Variants in MEGF6 observed in about 807,000 individuals in gnomAD.
MEGF6 encodes multiple EGF like domains 6, also known as multiple epidermal growth factor-like domains protein 6.
A neutral mutation model predicts 207.1 loss-of-function variants in MEGF6; 184 were observed. That is an observed-to-expected ratio of 0.89 (90% CI 0.79 to 1.00). The LOEUF is 1.00. MEGF6 is among the 50% of genes least tolerant of loss of function. The probability of loss-of-function intolerance (pLI) is 0.00; values close to 1 mark genes in which losing one functional copy is unlikely to be tolerated. For synonymous variants in MEGF6, 1,038 were observed against 910.0 expected, an observed-to-expected ratio of 1.14 and a Z score of -2.53; for missense variants, 2,282 against 2,202.9, an observed-to-expected ratio of 1.04 and a Z score of -0.72.
At chr1:3,583,358 G>A (rs113586718) in intron 3 of MEGF6, among the ~76,000 whole-genome samples, 2,031 of 66,420 alleles carry the variant, frequency 0.031, 2 homozygotes, top group Middle Eastern at 0.082. Flanking sequence ...ACCAGACAAC[G>A]CGCAGCCACC....
chr1:3,535,457 C>T (rs911975262), intron 4 of MEGF6, among the ~76,000 whole-genome samples: 43 of 152,188 alleles, frequency 2.8e-4, no homozygotes, highest in Non-Finnish European at 2.8e-4. Context: ...TGCCCCTCTC[C>T]AGAAGGCTGC....
the MEGF6 span, among the ~76,000 whole-genome samples, chr1:3,620,044 G>T: frequency 7.0e-6 from 1 of 142,960 alleles, no homozygotes; most frequent in African/African-American, 2.4e-5. Flanking sequence ...TTTTAGTAAA[G>T]AGACTAGGAG....
intron 14 of MEGF6, among the ~76,000 whole-genome samples, chr1:3,507,231 A>C (rs1641151397): frequency 6.6e-6 from 1 of 152,196 alleles, no homozygotes; most frequent in Non-Finnish European, 1.5e-5. Context: ...AAAGGCAGAA[A>C]GTTTATGATA....
intron 7 of MEGF6, 107 bp downstream of exon 7, chr1:3,514,443 T>C (rs1557738448): frequency 1.4e-6 from 2 of 1,387,096 alleles, no homozygotes; most frequent in African/African-American, 1.4e-5. Context: ...CCAAAGGGCC[T>C]GGTCTCATGG....
chr1:3,583,936 A>C (rs1252906421), intron 3 of MEGF6, among the ~76,000 whole-genome samples: 1 of 150,838 alleles, frequency 6.6e-6, no homozygotes, highest in African/African-American at 2.4e-5. Context: ...AGCCACCTGC[A>C]GCAGCCCGGC....
intron 4 of MEGF6, among the ~76,000 whole-genome samples, chr1:3,562,899 G>A (rs1643241977): frequency 6.6e-6 from 1 of 152,120 alleles, no homozygotes; most frequent in Non-Finnish European, 1.5e-5. Flanking sequence ...ACCTTGCTGG[G>A]CCAGCCCCTC....
rs773637034 is a variant in MEGF6 at position 3,574,311 on chromosome 1, G to A, written c.481+5514C>T. 1.6e-4 allele frequency among the ~76,000 whole-genome samples: 25 copies of A among 151,688 alleles called. 1 individual carries two copies. The Middle Eastern group carries it at 0.02, about 124-fold the overall frequency. Reference sequence around the variant, plus strand: ...TGACCCTTCCTTCATTCCCGACCCCGTACCTCAGGGCCAAAATGACTTTCT... The same window carrying A: ...TGACCCTTCCTTCATTCCCGACCCCATACCTCAGGGCCAAAATGACTTTCT... On this transcript the variant is annotated intron_variant, in intron 4 of 36. Coordinates refer to ENST00000356575, the MANE Select transcript of MEGF6 (RefSeq NM_001409.4).
intron 3 of MEGF6, among the ~76,000 whole-genome samples, chr1:3,590,382 T>C (rs895687452): frequency 1.9e-5 from 2 of 102,772 alleles, no homozygotes; most frequent in African/African-American, 6.0e-5. Flanking sequence ...AGAGAATCCA[T>C]GAGCAGGAAG....
chr1:3,591,613 C>T (rs532968100), intron 3 of MEGF6, among the ~76,000 whole-genome samples: 111 of 152,066 alleles, frequency 7.3e-4, no homozygotes, highest in African/African-American at 2.5e-3. Flanking sequence ...GGGGCGCGGG[C>T]GAGGGGGCTG....
intron 21 of MEGF6, 40 bp from the exon 22 acceptor site, chr1:3,499,964 C>A: frequency 6.6e-7 from 1 of 1,524,020 alleles, no homozygotes; most frequent in Non-Finnish European, 8.8e-7. Flanking sequence ...GCCAGAGGGC[C>A]AGGAGCCTGA....
At chr1:3,536,024 T>G (rs1317204362) in intron 4 of MEGF6, among the ~76,000 whole-genome samples, 1 of 152,130 alleles carries the variant, frequency 6.6e-6, no homozygotes, top group African/African-American at 2.4e-5. Flanking sequence ...GACAAAGAGT[T>G]TCTAGGCAGC....
At chr1:3,555,606 C>T (rs1185298399) in intron 4 of MEGF6, among the ~76,000 whole-genome samples, 1 of 152,228 alleles carries the variant, frequency 6.6e-6, no homozygotes, top group Non-Finnish European at 1.5e-5. Flanking sequence ...CTGTGGTTCT[C>T]ATGGCTGCAA....
chr1:3,556,010 C>T lies in MEGF6; in HGVS notation c.481+23815G>A, dbSNP rs190196382. On this transcript the variant is annotated intron_variant, in intron 4 of 36. Coordinates refer to ENST00000356575, the MANE Select transcript of MEGF6 (RefSeq NM_001409.4). The surrounding 1 kb of genome is among the most constrained non-coding windows in gnomAD (Gnocchi z 4.4). ...TCTGCCCGCCCACCCACAGGACTCA[C>T]GGGATCCTGGCTGGCCCTGGAACCA... is the stretch of plus-strand genomic sequence containing the variant. Among the ~76,000 whole-genome samples the T allele has an allele frequency of 2.6e-4, 39 of 152,386 alleles. No homozygotes were observed. Among genetic ancestry groups the T allele is most frequent in the African/African-American group, 8.7e-4 (36 of 41,594 alleles).
chr1:3,531,363 A>C, intron 4 of MEGF6: 1 of 1,185,376 alleles, frequency 8.4e-7, no homozygotes, highest in Non-Finnish European at 1.0e-6. Context: ...CGGGCGCGCA[A>C]TCCCAGCCCC....
intron 4 of MEGF6, among the ~76,000 whole-genome samples, chr1:3,543,345 G>A (rs1642590096): frequency 6.6e-6 from 1 of 152,248 alleles, no homozygotes; most frequent in South Asian, 2.1e-4. Context: ...TCCCTGCTCT[G>A]AGCAGCCCGA....
intron 4 of MEGF6, among the ~76,000 whole-genome samples, chr1:3,570,980 C>T (rs986049047): frequency 1.3e-5 from 2 of 152,200 alleles, no homozygotes; most frequent in South Asian, 2.1e-4. Context: ...AGCCCTATCT[C>T]CCCCTCTGAG....
chr1:3,585,590 A>G (rs1342449178), intron 3 of MEGF6, among the ~76,000 whole-genome samples: 2 of 91,882 alleles, frequency 2.2e-5, no homozygotes, highest in Non-Finnish European at 2.0e-5. Context: ...CTGTGTGTGG[A>G]CACGTCCTGT....
rs1174892939 is a variant in MEGF6, at chr1:3,499,659, C to A, written c.2894G>T (p.Gly965Val). The change falls in exon 23 of 37, where the codon GGA (glycine) becomes GTA (valine). Residue 965 changes from glycine to valine, a missense_variant. Gly to Val is a moderately radical substitution (Grantham distance 109). Transcript: ENST00000356575. The part of the protein sequence containing the change: ...DCRSACNCTA[G>V]AACDAVNGSC... ...GCCATTCACGGCATCACAGGCAGCT[C>A]CGGCGGTGCAGTTGCAGGCACTGCG... is the stretch of plus-strand genomic sequence containing the variant. 3.1e-6 allele frequency: 5 copies of A among 1,596,906 alleles called. No homozygotes were observed. Among genetic ancestry groups the A allele is most frequent in the Non-Finnish European group, 4.3e-6 (5 of 1,173,020 alleles).
At chr1:3,596,928 C>T (rs1052256769) in intron 2 of MEGF6, among the ~76,000 whole-genome samples, 8 of 152,178 alleles carry the variant, frequency 5.3e-5, no homozygotes, top group African/African-American at 1.7e-4. Flanking sequence ...AGCCCCATCC[C>T]GGGGCTCGTA....
Sources: allele counts gnomAD v4.1 joint callset (sites outside exome capture counted in the v4.1 genomes callset), GRCh38; gene constraint gnomAD v4.1.1; non-coding constraint Gnocchi (gnomAD v3.1); transcripts MANE v1.5; gene names NCBI Gene and HGNC (gene_info 2026-07-23, HGNC 2026-07-21).